ZCCHC7: variants seen among roughly 807,000 people sequenced by gnomAD.
ZCCHC7 encodes zinc finger CCHC domain-containing protein 7.
In ZCCHC7, 35 loss-of-function variants were observed where a neutral mutation model predicts 52.0. The ratio of observed to expected loss-of-function variants is 0.67; its 90% confidence interval spans 0.51 to 0.89. ZCCHC7 has a LOEUF of 0.89. ZCCHC7 is among the 40% of genes least tolerant of loss of function. The probability of loss-of-function intolerance (pLI) is 0.00; values close to 1 mark genes in which losing one functional copy is unlikely to be tolerated. For synonymous variants in ZCCHC7, 217 were observed against 221.5 expected (o/e 0.98, Z 0.18); for missense variants, 574 against 649.1 (o/e 0.88, Z 1.26).
chr9:37,232,441 T>C (rs937789313), intron 2 of ZCCHC7, among the ~76,000 whole-genome samples: 4 of 152,218 alleles, frequency 2.6e-5, no homozygotes, highest in African/African-American at 9.6e-5. Flanking sequence ...CCTAAGCATC[T>C]GGGTGTGTGG....
intron 2 of ZCCHC7, among the ~76,000 whole-genome samples, chr9:37,148,776 A>G (rs983702563): frequency 1.3e-5 from 2 of 152,104 alleles, no homozygotes; most frequent in Non-Finnish European, 2.9e-5. Context: ...GGCTCATTTC[A>G]TGTTACTTTG....
chr9:37,356,514 T>C (rs1195364537), intron 8 of ZCCHC7, among the ~76,000 whole-genome samples: 1 of 152,252 alleles, frequency 6.6e-6, no homozygotes, highest in East Asian at 1.9e-4. Context: ...CTCGTCATCA[T>C]TGGGGAAACT....
At chr9:37,128,744 T>C (rs1842643234) in intron 2 of ZCCHC7, among the ~76,000 whole-genome samples, 1 of 152,190 alleles carries the variant, frequency 6.6e-6, no homozygotes, top group Non-Finnish European at 1.5e-5. Flanking sequence ...AAGGATTGTT[T>C]AGAAGTAGTA....
intron 6 of ZCCHC7, among the ~76,000 whole-genome samples, chr9:37,336,970 T>G (rs2118388461): frequency 6.6e-6 from 1 of 152,242 alleles, no homozygotes; most frequent in Admixed American, 6.5e-5. Flanking sequence ...CGATCCCGCA[T>G]GCTATGAATG....
chr9:37,221,216 A>G (rs1457772766), intron 2 of ZCCHC7, among the ~76,000 whole-genome samples: 2 of 152,230 alleles, frequency 1.3e-5, no homozygotes, highest in African/African-American at 4.8e-5. Flanking sequence ...TACTGGTAAC[A>G]TGATTAATCC....
At chr9:37,123,222 T>TGC (rs1554696177) in intron 1 of ZCCHC7, among the ~76,000 whole-genome samples, 9 of 103,866 alleles carry the variant, frequency 8.7e-5, no homozygotes, top group African/African-American at 2.1e-4. Flanking sequence ...TGTGTGTGTG[T>TGC]GTGCGTGTGC....
chr9:37,209,417 C>G (rs1034278656), intron 2 of ZCCHC7, among the ~76,000 whole-genome samples: 7 of 152,000 alleles, frequency 4.6e-5, no homozygotes, highest in African/African-American at 1.5e-4. Context: ...TGTATGCTTT[C>G]CAACCTCAAT....
chr9:37,242,447 A>G (rs1825913412), intron 2 of ZCCHC7, among the ~76,000 whole-genome samples: 1 of 151,794 alleles, frequency 6.6e-6, no homozygotes, highest in Non-Finnish European at 1.5e-5. Context: ...GCTTCCCATG[A>G]TACTTGGGAT....
chr9:37,337,222 T>C (rs1830712845), intron 6 of ZCCHC7, among the ~76,000 whole-genome samples: 1 of 152,198 alleles, frequency 6.6e-6, no homozygotes, highest in Non-Finnish European at 1.5e-5. Flanking sequence ...TTTATCTGGC[T>C]GGCAAACTGA....
At chr9:37,144,431 A>G (rs1037849957) in intron 2 of ZCCHC7, among the ~76,000 whole-genome samples, 1 of 152,002 alleles carries the variant, frequency 6.6e-6, no homozygotes, top group African/African-American at 2.4e-5. Flanking sequence ...GGTTCATGTC[A>G]CAAAAGCTTG....
At chr9:37,171,814 A>G (rs1821745099) in intron 2 of ZCCHC7, among the ~76,000 whole-genome samples, 1 of 152,210 alleles carries the variant, frequency 6.6e-6, no homozygotes, top group Admixed American at 6.5e-5. Context: ...CTTAGCTTAT[A>G]ATGACTTAAC....
chr9:37,142,961 C>T (rs896998596), intron 2 of ZCCHC7, among the ~76,000 whole-genome samples: 2 of 151,864 alleles, frequency 1.3e-5, no homozygotes, highest in East Asian at 1.9e-4. Context: ...GTTATTAATT[C>T]TTAAAGCTCA....
intron 2 of ZCCHC7, among the ~76,000 whole-genome samples, chr9:37,160,931 G>A (rs1001546737): frequency 1.3e-5 from 2 of 151,876 alleles, no homozygotes; most frequent in Admixed American, 6.6e-5. Flanking sequence ...TACCACAGAT[G>A]TATGCAGGTG....
chr9:37,328,912 C>G (rs977290394), intron 6 of ZCCHC7, among the ~76,000 whole-genome samples: 3 of 151,848 alleles, frequency 2.0e-5, no homozygotes, highest in Admixed American at 2.0e-4. Flanking sequence ...CCTCAAATCT[C>G]AAATTAGGAT....
chr9:37,205,398 G>C (rs1337955756), intron 2 of ZCCHC7: 1 of 160,162 alleles, frequency 6.2e-6, no homozygotes, highest in Non-Finnish European at 1.4e-5. Context: ...TAGAAAATGA[G>C]AGTGTCCCAC....
intron 2 of ZCCHC7, among the ~76,000 whole-genome samples, chr9:37,201,851 T>C (rs1421397509): frequency 6.6e-6 from 1 of 152,180 alleles, no homozygotes; most frequent in Non-Finnish European, 1.5e-5. Context: ...TATACAAAAC[T>C]CATATTATCT....
At chr9:37,334,036 TCTAA>T (rs751145703) in intron 6 of ZCCHC7, 1 of 151,912 alleles carries the variant, frequency 6.6e-6, no homozygotes, top group Admixed American at 6.6e-5. Context: ...TTGTACAGTA[TCTAA>T]CTATATAATA....
rs1191952214 is a variant in ZCCHC7, at chr9:37,356,848, TG to T, written c.1216del (p.Val406LeufsTer11). On this transcript the variant is annotated frameshift_variant, in exon 9 of 9. Transcript: ENST00000336755. LOFTEE classifies it low-confidence loss of function (END_TRUNC). Reference sequence around the variant, plus strand: ...TATATTTTTCAGTACTCAAGAAAAATGGGGTTATCCCAGAGCCATCCAAGCT... The same window carrying T: ...TATATTTTTCAGTACTCAAGAAAAATGGGTTATCCCAGAGCCATCCAAGCT... ...KQKIKVLKKN[G>X]VIPEPSKLPY... The T allele has an allele frequency of 1.9e-6, 3 of 1,580,270 alleles. No individual in the cohort carries two copies. Among genetic ancestry groups the T allele is most frequent in the Non-Finnish European group, 2.6e-6 (3 of 1,170,126 alleles).
At chr9:37,196,145 C>T (rs1823274920) in intron 2 of ZCCHC7, among the ~76,000 whole-genome samples, 5 of 152,054 alleles carry the variant, frequency 3.3e-5, no homozygotes, top group Admixed American at 3.3e-4. Flanking sequence ...AAGAAAATCC[C>T]AGGAATCAAA....
Sources: allele counts gnomAD v4.1 joint callset (sites outside exome capture counted in the v4.1 genomes callset), GRCh38; gene constraint gnomAD v4.1.1; transcripts MANE v1.5; gene names NCBI Gene and HGNC (gene_info 2026-07-23, HGNC 2026-07-21).